The following GPC5 variants were observed in gnomAD, a reference collection of about 807,000 sequenced individuals.
GPC5 encodes glypican-5.
A neutral mutation model predicts 53.9 loss-of-function variants in GPC5; 47 were observed. That is an observed-to-expected ratio of 0.87 (90% CI 0.69 to 1.11). GPC5 has a LOEUF of 1.11. Among genes scored for constraint, GPC5 ranks in the 50% most tolerant of loss-of-function variants. The pLI, the probability that GPC5 is intolerant of heterozygous loss-of-function variation, is 0.00. For missense variants in GPC5, 748 were observed against 713.1 expected, an observed-to-expected ratio of 1.05 and a Z score of -0.56; for synonymous variants, 286 against 263.3, an observed-to-expected ratio of 1.09 and a Z score of -0.84.
At chr13:92,192,899 A>G (rs1280709417) in intron 7 of GPC5, among the ~76,000 whole-genome samples, 1 of 152,200 alleles carries the variant, frequency 6.6e-6, no homozygotes, top group African/African-American at 2.4e-5. Flanking sequence ...TATTGCTGCC[A>G]GGCGCTGTGG....
intron 7 of GPC5, among the ~76,000 whole-genome samples, chr13:92,353,680 T>C (rs899506188): frequency 5.9e-5 from 9 of 152,142 alleles, no homozygotes; most frequent in African/African-American, 1.9e-4. Context: ...GAATATATCA[T>C]GCACAAAAGT....
intron 7 of GPC5, among the ~76,000 whole-genome samples, chr13:92,865,952 C>A (rs760424010): frequency 1.2e-4 from 19 of 152,068 alleles, no homozygotes; most frequent in Non-Finnish European, 2.5e-4. Context: ...ATCTCTGAAA[C>A]AAGAACTAAT....
intron 7 of GPC5, among the ~76,000 whole-genome samples, chr13:92,518,601 C>T (rs1179071626): frequency 6.6e-6 from 1 of 152,172 alleles, no homozygotes; most frequent in Non-Finnish European, 1.5e-5. Context: ...ACCACCAGGC[C>T]TGCCTTACAA....
chr13:92,817,105 C>T (rs1445216832), intron 7 of GPC5, among the ~76,000 whole-genome samples: 1 of 151,746 alleles, frequency 6.6e-6, no homozygotes, highest in African/African-American at 2.4e-5. Flanking sequence ...TAAAAAGATC[C>T]AATATAGAAA....
intron 7 of GPC5, among the ~76,000 whole-genome samples, chr13:92,407,040 C>G (rs1303654937): frequency 2.0e-5 from 3 of 152,072 alleles, no homozygotes; most frequent in African/African-American, 7.2e-5. Context: ...TTGAAATTCT[C>G]TATAAGGTAA....
intron 3 of GPC5, among the ~76,000 whole-genome samples, chr13:91,706,552 T>A (rs1594457120): frequency 6.6e-6 from 1 of 152,080 alleles, no homozygotes; most frequent in East Asian, 1.9e-4. Context: ...ATATTTTTAA[T>A]TTTTTTTGGA....
intron 7 of GPC5, among the ~76,000 whole-genome samples, chr13:92,296,549 G>T (rs1055590916): frequency 1.3e-5 from 2 of 152,030 alleles, no homozygotes; most frequent in African/African-American, 2.4e-5. Flanking sequence ...CCCTGCCTGG[G>T]CTCCCACTTT....
intron 2 of GPC5, among the ~76,000 whole-genome samples, chr13:91,471,435 A>C (rs1291900163): frequency 6.6e-6 from 1 of 152,114 alleles, no homozygotes; most frequent in Non-Finnish European, 1.5e-5. Context: ...GCTTAGGAAC[A>C]TTGATTTAGT....
intron 7 of GPC5, among the ~76,000 whole-genome samples, chr13:92,663,176 G>A (rs572832817): frequency 1.3e-5 from 2 of 152,208 alleles, no homozygotes; most frequent in African/African-American, 4.8e-5. Context: ...TTCACCTAAA[G>A]TAATGTCTGA....
chr13:91,464,484 G>A (rs1287555984), intron 2 of GPC5, among the ~76,000 whole-genome samples: 3 of 152,122 alleles, frequency 2.0e-5, no homozygotes, highest in Admixed American at 6.6e-5. Flanking sequence ...GCTTCAACAG[G>A]TGAATGGATA....
At chr13:91,977,001 T>A (rs760009425) in intron 6 of GPC5, among the ~76,000 whole-genome samples, 5 of 151,656 alleles carry the variant, frequency 3.3e-5, no homozygotes, top group Non-Finnish European at 7.4e-5. Flanking sequence ...ATCATGCCAT[T>A]GCACTCCAGC....
intron 7 of GPC5, among the ~76,000 whole-genome samples, chr13:92,850,928 C>A (rs960125379): frequency 2.6e-5 from 4 of 152,156 alleles, no homozygotes; most frequent in Non-Finnish European, 5.9e-5. Flanking sequence ...CCTAAGACTG[C>A]ATAACTTATA....
intron 7 of GPC5, among the ~76,000 whole-genome samples, chr13:92,191,177 A>G (rs2042220393): frequency 6.6e-6 from 1 of 152,170 alleles, no homozygotes; most frequent in African/African-American, 2.4e-5. Flanking sequence ...GCAATCCTTC[A>G]TGTGTATGTA....
intron 7 of GPC5, among the ~76,000 whole-genome samples, chr13:92,608,343 A>G (rs1015878486): frequency 7.2e-5 from 11 of 152,172 alleles, no homozygotes; most frequent in Non-Finnish European, 1.3e-4. Context: ...GCACTTAGCC[A>G]TGTATTTGAC....
At chr13:91,569,456 T>C (rs2031685142) in intron 2 of GPC5, among the ~76,000 whole-genome samples, 1 of 152,312 alleles carries the variant, frequency 6.6e-6, no homozygotes, top group East Asian at 1.9e-4. Context: ...GTTTCTGTAC[T>C]ATGGCCCTTT....
At chr13:92,338,320 A>G (rs2043339227) in intron 7 of GPC5, among the ~76,000 whole-genome samples, 1 of 152,126 alleles carries the variant, frequency 6.6e-6, no homozygotes, top group Non-Finnish European at 1.5e-5. Flanking sequence ...AGGAACTATC[A>G]ATAATTGTTG....
intron 7 of GPC5, among the ~76,000 whole-genome samples, chr13:92,385,421 C>CATATATACATATATACATATATACAT (rs2043789318): frequency 3.3e-5 from 1 of 30,080 alleles, no homozygotes; most frequent in Admixed American, 4.4e-4. Flanking sequence ...CATATATATA[C>CATATATACATATATACATATATACAT]ATATATACAT....
intron 1 of GPC5, among the ~76,000 whole-genome samples, chr13:91,425,789 G>C (rs1327090929): frequency 1.3e-5 from 2 of 152,100 alleles, no homozygotes; most frequent in Non-Finnish European, 2.9e-5. Flanking sequence ...TAGGTAATGG[G>C]CAGAGGTTGG....
At chr13:92,063,772 T>C (rs2041143013) in intron 6 of GPC5, among the ~76,000 whole-genome samples, 1 of 152,158 alleles carries the variant, frequency 6.6e-6, no homozygotes, top group African/African-American at 2.4e-5. Context: ...TCGGGTACCA[T>C]AAATGTTAGC....
Sources: gnomAD v4.1 joint callset for allele counts (sites outside exome capture counted in the v4.1 genomes callset) on GRCh38, gnomAD v4.1.1 for gene constraint, MANE v1.5 for transcripts, NCBI Gene and HGNC (gene_info 2026-07-23, HGNC 2026-07-21) for gene names.